NUDT3: variants seen among roughly 807,000 people sequenced by gnomAD.
NUDT3 encodes nudix hydrolase 3.
In NUDT3, 9 loss-of-function variants were observed where a neutral mutation model predicts 23.6. That is an observed-to-expected ratio of 0.38 (90% CI 0.23 to 0.66). NUDT3 has a LOEUF of 0.66. NUDT3 is among the 30% of genes least tolerant of loss of function. The pLI, the probability that NUDT3 is intolerant of heterozygous loss-of-function variation, is 0.52. For synonymous variants in NUDT3, 86 were observed against 82.6 expected (o/e 1.04, Z -0.22); for missense variants, 172 against 218.5 (o/e 0.79, Z 1.34).
chr6:34,331,940 A>C (rs1291151909), intron 2 of NUDT3, among the ~76,000 whole-genome samples: 1 of 152,134 alleles, frequency 6.6e-6, no homozygotes, highest in African/African-American at 2.4e-5. Context: ...GCACTGGCAC[A>C]ATCATGGCTC....
intron 2 of NUDT3, among the ~76,000 whole-genome samples, chr6:34,320,622 C>T (rs1444661585): frequency 5.9e-5 from 9 of 152,036 alleles, no homozygotes; most frequent in Admixed American, 5.9e-4. Flanking sequence ...ATTTCTTGAG[C>T]CCGGAGTTCG....
chr6:34,335,196 T>C (rs535835622), intron 2 of NUDT3, among the ~76,000 whole-genome samples: 1 of 152,290 alleles, frequency 6.6e-6, no homozygotes, highest in Admixed American at 6.5e-5. Context: ...ATGGACTAAA[T>C]TTGCTATGTT....
chr6:34,292,001 C>A (rs1204046840), intron 4 of NUDT3, among the ~76,000 whole-genome samples: 1 of 152,148 alleles, frequency 6.6e-6, no homozygotes, highest in African/African-American at 2.4e-5. Flanking sequence ...AGGGTCAATT[C>A]TCAGAAGTGG....
At chr6:34,389,734 C>T (rs1283183852) in intron 1 of NUDT3, among the ~76,000 whole-genome samples, 1 of 152,038 alleles carries the variant, frequency 6.6e-6, no homozygotes, top group Non-Finnish European at 1.5e-5. Context: ...GCGGCCAACG[C>T]GGGTGGATCA....
chr6:34,327,223 T>C (rs183461459), intron 2 of NUDT3, among the ~76,000 whole-genome samples: 4 of 152,000 alleles, frequency 2.6e-5, no homozygotes, highest in Non-Finnish European at 4.4e-5. Context: ...CGTTTTCTTC[T>C]ACGCACTTAT....
chr6:34,327,305 T>C lies in NUDT3; in HGVS notation c.210+14557A>G, dbSNP rs567688646. On this transcript the variant is annotated intron_variant, in intron 2 of 4. Transcript: ENST00000607016. ...CAGCACTTTGGGAGGCCGAGGCGGG[T>C]GGATCACGAGGTCAAGAGATCGAGA... Among the ~76,000 whole-genome samples the C allele has an allele frequency of 3.4e-3, 518 of 151,422 alleles. 5 individuals carry two copies. Among genetic ancestry groups the C allele is most frequent in the African/African-American group, 0.012 (487 of 41,332 alleles).
Position 34,288,780 on chromosome 6 carries a change from A to C in NUDT3, c.492T>G (p.Ala164=). 2 of 1,613,106 alleles carry C rather than the reference A, an allele frequency of 1.2e-6. No individual in the cohort carries two copies. The highest frequency in any genetic ancestry group is 1.7e-6 in the Non-Finnish European group (2 of 1,179,710). ...ATCTGATGCCTGACATCGAGCTCTGAGCAGAAACCGAGTATGTGGTGGCCA... is the reference window on the plus strand; with the variant it reads ...ATCTGATGCCTGACATCGAGCTCTGCGCAGAAACCGAGTATGTGGTGGCCA... ...PVVATTYSVS[A]QSSMSGIR Residue 164 remains alanine, a synonymous_variant, in exon 5 of 5, where the codon GCT becomes GCG. Coordinates refer to ENST00000607016, the MANE Select transcript of NUDT3 (RefSeq NM_006703.4).
intron 2 of NUDT3, among the ~76,000 whole-genome samples, chr6:34,308,650 A>G (rs1355048395): frequency 6.6e-6 from 1 of 152,148 alleles, no homozygotes; most frequent in Non-Finnish European, 1.5e-5. Context: ...AACTAACTAC[A>G]CTAATCTCAG....
chr6:34,318,568 A>T (rs1763894514), intron 2 of NUDT3, among the ~76,000 whole-genome samples: 2 of 152,184 alleles, frequency 1.3e-5, no homozygotes, highest in African/African-American at 4.8e-5. Flanking sequence ...GGATATAAAG[A>T]TTTCCTATAT....
chr6:34,304,975 ATTT>A (rs535349190), intron 2 of NUDT3, among the ~76,000 whole-genome samples: 6 of 85,336 alleles, frequency 7.0e-5, no homozygotes, highest in Non-Finnish European at 6.4e-5. Context: ...CCCGGTCTGA[ATTT>A]TTTTTTTTTT....
At chr6:34,384,523 T>C (rs1278280765) in intron 1 of NUDT3, among the ~76,000 whole-genome samples, 1 of 152,148 alleles carries the variant, frequency 6.6e-6, no homozygotes, top group Non-Finnish European at 1.5e-5. Context: ...AGCCCATCCC[T>C]GTCTCTCACT....
At chr6:34,375,588 A>G (rs1764909280) in intron 1 of NUDT3, among the ~76,000 whole-genome samples, 2 of 152,196 alleles carry the variant, frequency 1.3e-5, no homozygotes, top group South Asian at 4.1e-4. Context: ...CCAGATCAGT[A>G]TATTGATTGG....
At chr6:34,376,364 G>A (rs1299681744) in intron 1 of NUDT3, among the ~76,000 whole-genome samples, 3 of 151,840 alleles carry the variant, frequency 2.0e-5, no homozygotes, top group Admixed American at 1.3e-4. Flanking sequence ...GTGCAGCCTC[G>A]ATCTCCCAGG....
At chr6:34,290,401 CTTT>C (rs952499361) in intron 4 of NUDT3, among the ~76,000 whole-genome samples, 83 of 107,314 alleles carry the variant, frequency 7.7e-4, no homozygotes, top group African/African-American at 2.2e-3. Flanking sequence ...GCTGCTGCTT[CTTT>C]TTTTTTTTTT....
At chr6:34,295,810 C>A (rs893065677) in intron 2 of NUDT3, 125 bp from the exon 3 acceptor site, 2 of 1,143,320 alleles carry the variant, frequency 1.7e-6, no homozygotes, top group African/African-American at 1.6e-5. Flanking sequence ...GCAGACTCCA[C>A]GATCTGTGAA....
At chr6:34,308,258 G>T (rs1468448708) in intron 2 of NUDT3, among the ~76,000 whole-genome samples, 1 of 148,702 alleles carries the variant, frequency 6.7e-6, no homozygotes, top group African/African-American at 2.5e-5. Context: ...AGAAATTTGA[G>T]ATCAGCCTGG....
At chr6:34,324,685 T>TA (rs1168879075) in intron 2 of NUDT3, among the ~76,000 whole-genome samples, 1 of 152,356 alleles carries the variant, frequency 6.6e-6, no homozygotes, top group East Asian at 1.9e-4. Flanking sequence ...ACATTATGAA[T>TA]ACCACTTTTT....
intron 3 of NUDT3, 36 bp downstream of exon 3, chr6:34,295,605 A>G: frequency 6.2e-7 from 1 of 1,609,796 alleles, no homozygotes; most frequent in Non-Finnish European, 8.5e-7. Context: ...GGTTATTAAT[A>G]CATATCATTT....
At position 34,282,849 on chromosome 6, in the gene NUDT3, G is replaced by A. The variant is rs1245086402; in HGVS notation, c.*5904C>T. On this transcript the variant is annotated 3_prime_UTR_variant, in exon 5 of 5. Coordinates refer to ENST00000607016, the MANE Select transcript of NUDT3 (RefSeq NM_006703.4). The stretch of plus-strand genomic sequence containing the variant: ...AATAAGTTTTAGTATTAAGAACTGG[G>A]GATATAAACCAAAGGAAACCTAGAG... 2 of 152,080 alleles carry A rather than the reference G, an allele frequency of 1.3e-5. No individual in the cohort carries two copies. Among genetic ancestry groups the A allele is most frequent in the Admixed American group, 6.6e-5 (1 of 15,266 alleles). 9.4% of individuals were successfully genotyped at this position (152,080 alleles called of 1,614,324 possible). A position where few individuals can be genotyped will look rare whatever the true frequency, so the allele number is the denominator to read the frequency against.
Sources: gnomAD v4.1 joint callset for allele counts (sites outside exome capture counted in the v4.1 genomes callset) on GRCh38, gnomAD v4.1.1 for gene constraint, MANE v1.5 for transcripts, NCBI Gene and HGNC (gene_info 2026-07-23, HGNC 2026-07-21) for gene names.